LINGO2: variants seen among roughly 807,000 people sequenced by gnomAD.
LINGO2 encodes leucine-rich repeat and immunoglobulin-like domain-containing nogo receptor-interacting protein 2.
A neutral mutation model predicts 30.6 loss-of-function variants in LINGO2; 14 were observed. That is an observed-to-expected ratio of 0.46 (90% CI 0.30 to 0.72). The LOEUF is 0.72. Ranked by LOEUF, LINGO2 falls within the 30% of genes least tolerant of loss-of-function variation. LINGO2 has a pLI of 0.07. For missense variants in LINGO2, 729 were observed against 751.7 expected, an observed-to-expected ratio of 0.97 and a Z score of 0.35; for synonymous variants, 317 against 288.5, an observed-to-expected ratio of 1.10 and a Z score of -1.00.
intron 4 of LINGO2, among the ~76,000 whole-genome samples, chr9:28,052,476 G>T (rs79770886): frequency 0.01 from 1,567 of 152,138 alleles, 33 homozygotes; most frequent in African/African-American, 0.036. Flanking sequence ...TCACTATTGG[G>T]AACATCATTT....
At chr9:28,708,001 G>A in the LINGO2 span, among the ~76,000 whole-genome samples, 37 of 152,034 alleles carry the variant, frequency 2.4e-4, no homozygotes, top group South Asian at 7.5e-3. Flanking sequence ...ATAAGAAGGT[G>A]GGAATAAAGA....
At chr9:28,795,710 G>A in the LINGO2 span, among the ~76,000 whole-genome samples, 5 of 151,816 alleles carry the variant, frequency 3.3e-5, no homozygotes, top group Non-Finnish European at 7.4e-5. Flanking sequence ...CTGAGTAATC[G>A]GTGGCCCTCT....
rs535043979 is a variant in LINGO2 at position 28,148,283 on chromosome 9, G to T, written c.-86-135878C>A. On this transcript the variant is annotated intron_variant, in intron 4 of 5. Transcript: ENST00000379992. The surrounding 1 kb of genome is among the most constrained non-coding windows in gnomAD (Gnocchi z 5.1). ...CCTGTCTCCTGTGGTCTGGAGCCCCGCCTCAAGGAAGAAACCCATGCTGTC... is the reference window on the plus strand; with the variant it reads ...CCTGTCTCCTGTGGTCTGGAGCCCCTCCTCAAGGAAGAAACCCATGCTGTC... 5.1e-6 allele frequency: 4 copies of T among 789,922 alleles called. No homozygotes were observed. In the East Asian group the frequency reaches 8.1e-5, roughly 16 times the overall value. The allele number at this position is 789,922 out of a possible 1,614,324, so 48.9% of individuals were successfully genotyped here.
chr9:29,072,140 T>C, the LINGO2 span, among the ~76,000 whole-genome samples: 1 of 150,850 alleles, frequency 6.6e-6, no homozygotes, highest in African/African-American at 2.4e-5. Context: ...ATAAGGAATG[T>C]AGATAATAAT....
chr9:28,460,341 G>T (rs1035132654), intron 2 of LINGO2, among the ~76,000 whole-genome samples: 2 of 152,084 alleles, frequency 1.3e-5, no homozygotes, highest in African/African-American at 4.8e-5. Context: ...CAAAATAAAT[G>T]ACCTTTGGAC....
chr9:29,086,146 A>G, the LINGO2 span, among the ~76,000 whole-genome samples: 1 of 152,312 alleles, frequency 6.6e-6, no homozygotes, highest in Admixed American at 6.5e-5. Context: ...CAAAAAGCAG[A>G]TAATTTAGGA....
At chr9:28,859,100 T>A in the LINGO2 span, among the ~76,000 whole-genome samples, 1 of 152,100 alleles carries the variant, frequency 6.6e-6, no homozygotes, top group African/African-American at 2.4e-5. Flanking sequence ...GGAAATAAGA[T>A]CTCTTTACAT....
At chr9:28,646,777 T>C (rs1246647974) in intron 1 of LINGO2, among the ~76,000 whole-genome samples, 3 of 152,110 alleles carry the variant, frequency 2.0e-5, no homozygotes, top group African/African-American at 4.8e-5. Context: ...TCATGAACAA[T>C]GTAGTTTGGT....
At chr9:28,632,690 T>TTATATATAGATCTA (rs1191404939) in intron 1 of LINGO2, among the ~76,000 whole-genome samples, 5,001 of 108,348 alleles carry the variant, frequency 0.046, 280 homozygotes, top group Admixed American at 0.17. Context: ...AAAAATATAT[T>TTATATATAGATCTA]TATATAGATC....
intron 4 of LINGO2, among the ~76,000 whole-genome samples, chr9:28,232,659 A>G (rs1350421172): frequency 6.6e-6 from 1 of 151,986 alleles, no homozygotes; most frequent in Non-Finnish European, 1.5e-5. Context: ...TCAAGTATAC[A>G]ATAATTATTA....
intron 2 of LINGO2, among the ~76,000 whole-genome samples, chr9:28,454,687 G>C (rs551710749): frequency 6.6e-6 from 1 of 151,916 alleles, no homozygotes; most frequent in South Asian, 2.1e-4. Context: ...TGAAAGTGTG[G>C]GAAGCAATAC....
chr9:29,153,425 G>A, the LINGO2 span, among the ~76,000 whole-genome samples: 7 of 152,134 alleles, frequency 4.6e-5, no homozygotes, highest in East Asian at 1.9e-4. Flanking sequence ...TGCTAGAACC[G>A]TAATTTTGGA....
chr9:28,241,649 G>A (rs2133975471), intron 4 of LINGO2, among the ~76,000 whole-genome samples: 1 of 152,256 alleles, frequency 6.6e-6, no homozygotes, highest in Non-Finnish European at 1.5e-5. Context: ...AATGGGTCCT[G>A]CTTCCTATGC....
At chr9:28,717,522 A>G in the LINGO2 span, among the ~76,000 whole-genome samples, 4 of 152,022 alleles carry the variant, frequency 2.6e-5, no homozygotes, top group Admixed American at 6.6e-5. Flanking sequence ...AATAAAGACT[A>G]AAACTCTAAG....
chr9:28,344,059 T>G (rs1279718529), intron 3 of LINGO2, among the ~76,000 whole-genome samples: 1 of 152,136 alleles, frequency 6.6e-6, no homozygotes, highest in Non-Finnish European at 1.5e-5. Context: ...CTCTGCAAAC[T>G]ACTGGGCCCC....
chr9:28,510,912 T>C (rs1820357514), intron 1 of LINGO2, among the ~76,000 whole-genome samples: 1 of 152,130 alleles, frequency 6.6e-6, no homozygotes, highest in Non-Finnish European at 1.5e-5. Flanking sequence ...TGGAGTCTGA[T>C]GTTCGAAGGC....
At position 28,177,185 on chromosome 9, in the gene LINGO2, C is replaced by A. The variant is rs115113611; in HGVS notation, c.-87+118023G>T. ...GATAGGATTTTCCTACTATGCTGTA[C>A]ATTTGGATAAAATCATAGATGGCTA... On this transcript the variant is annotated intron_variant, in intron 4 of 5. Transcript: ENST00000379992. Among the ~76,000 whole-genome samples, 662 of 152,236 alleles carry A rather than the reference C, an allele frequency of 4.3e-3. 6 individuals carry two copies. The highest frequency in any genetic ancestry group is 0.014 in the African/African-American group (572 of 41,534).
the LINGO2 span, among the ~76,000 whole-genome samples, chr9:29,139,874 T>C: frequency 2.0e-5 from 3 of 151,746 alleles, no homozygotes; most frequent in Non-Finnish European, 4.4e-5. Flanking sequence ...TGGGGACCAC[T>C]GAGAACAAAA....
At chr9:28,767,810 T>G in the LINGO2 span, among the ~76,000 whole-genome samples, 1 of 147,588 alleles carries the variant, frequency 6.8e-6, no homozygotes, top group East Asian at 2.0e-4. Flanking sequence ...AAAAAAAAGT[T>G]CATGCCTTTT....
Sources: allele counts gnomAD v4.1 joint callset (sites outside exome capture counted in the v4.1 genomes callset), GRCh38; gene constraint gnomAD v4.1.1; non-coding constraint Gnocchi (gnomAD v3.1); transcripts MANE v1.5; gene names NCBI Gene and HGNC (gene_info 2026-07-23, HGNC 2026-07-21).